Variants in TLCD4 observed in about 807,000 individuals in gnomAD.
TLCD4 encodes the protein TLC domain-containing protein 4.
Under a neutral mutation model 24.2 loss-of-function variants are expected in TLCD4, and 7 were observed. The ratio of observed to expected loss-of-function variants is 0.29; its 90% confidence interval spans 0.16 to 0.54. TLCD4 has a LOEUF of 0.54. Ranked by LOEUF, TLCD4 falls within the 20% of genes least tolerant of loss-of-function variation. TLCD4 has a pLI of 0.95. For missense variants in TLCD4, 259 were observed against 313.9 expected, an observed-to-expected ratio of 0.82 and a Z score of 1.32; for synonymous variants, 103 against 106.4, an observed-to-expected ratio of 0.97 and a Z score of 0.20.
In TLCD4 at chr1:95,162,568, C is replaced by T. The variant is rs139840057; in HGVS notation, c.399+11149C>T. ...TATGATGTTAGCTGGTTATTTTGCC[C>T]GCTAATCAGTACAGTTTCTTCATAG... On this transcript the variant is annotated intron_variant, in intron 5 of 6. Coordinates refer to ENST00000370203, the MANE Select transcript of TLCD4 (RefSeq NM_152487.3). 5.1e-3 allele frequency among the ~76,000 whole-genome samples: 775 copies of T among 152,208 alleles called. 12 individuals carry two copies. Among genetic ancestry groups the T allele is most frequent in the African/African-American group, 0.017 (726 of 41,536 alleles).
intron 5 of TLCD4, among the ~76,000 whole-genome samples, chr1:95,152,946 T>C (rs909548051): frequency 1.3e-5 from 2 of 152,172 alleles, no homozygotes; most frequent in Non-Finnish European, 2.9e-5. Flanking sequence ...TCCTTGTGAA[T>C]CACTTCTTTC....
chr1:95,160,618 A>T (rs1276245406), intron 5 of TLCD4, among the ~76,000 whole-genome samples: 1 of 152,192 alleles, frequency 6.6e-6, no homozygotes, highest in African/African-American at 2.4e-5. Context: ...GTTTTTGCCC[A>T]TTCGGTATGA....
chr1:95,126,926 TGGG>T (rs1261087713), intron 1 of TLCD4, among the ~76,000 whole-genome samples: 1 of 152,214 alleles, frequency 6.6e-6, no homozygotes, highest in Non-Finnish European at 1.5e-5. Flanking sequence ...ACCTCGGGAT[TGGG>T]GGCCTGGCGT....
At chr1:95,129,117 C>G (rs1676819493) in intron 1 of TLCD4, among the ~76,000 whole-genome samples, 1 of 152,092 alleles carries the variant, frequency 6.6e-6, no homozygotes, top group Non-Finnish European at 1.5e-5. Flanking sequence ...AAATAAAGGT[C>G]TATTAGAAAT....
chr1:95,180,975 T>G (rs1207574745), intron 6 of TLCD4, among the ~76,000 whole-genome samples: 1 of 152,218 alleles, frequency 6.6e-6, no homozygotes, highest in African/African-American at 2.4e-5. Flanking sequence ...CACATGCCTG[T>G]AGTCCCAACT....
chr1:95,159,680 G>A (rs1011494329), intron 5 of TLCD4, among the ~76,000 whole-genome samples: 1 of 152,144 alleles, frequency 6.6e-6, no homozygotes, highest in Non-Finnish European at 1.5e-5. Context: ...ATTAATTTTT[G>A]TTTAAGGTGT....
intron 5 of TLCD4, chr1:95,163,245 CA>C (rs1677889501): frequency 6.6e-6 from 1 of 152,092 alleles, no homozygotes; most frequent in South Asian, 2.1e-4. Flanking sequence ...TCATTTCATT[CA>C]TTTGATCTAC....
At chr1:95,165,527 G>A (rs1001832657) in intron 5 of TLCD4, among the ~76,000 whole-genome samples, 12 of 149,908 alleles carry the variant, frequency 8.0e-5, no homozygotes, top group African/African-American at 2.2e-4. Flanking sequence ...GTGCAATGGC[G>A]TGATCTTGGC....
chr1:95,124,962 GTCTTGATAGCATCT>G (rs1297039131), intron 1 of TLCD4, among the ~76,000 whole-genome samples: 2 of 152,166 alleles, frequency 1.3e-5, no homozygotes, highest in African/African-American at 4.8e-5. Context: ...ATTCTAAGAA[GTCTTGATAGCATCT>G]TCAAGATTAA....
At chr1:95,141,661 C>T (rs1438086603) in intron 1 of TLCD4, among the ~76,000 whole-genome samples, 1 of 151,938 alleles carries the variant, frequency 6.6e-6, no homozygotes, top group Non-Finnish European at 1.5e-5. Flanking sequence ...TAATATTAAA[C>T]CTAGGCTAAA....
chr1:95,191,984 TG>T lies in TLCD4; in HGVS notation c.*117del. The T allele has an allele frequency of 6.9e-7, 1 of 1,454,842 alleles. No homozygotes were observed. Among genetic ancestry groups the T allele is most frequent in the East Asian group, 2.5e-5 (1 of 40,440 alleles). 90.1% of individuals were successfully genotyped at this position (1,454,842 alleles called of 1,614,324 possible). A position where few individuals can be genotyped will look rare whatever the true frequency, so the allele number is the denominator to read the frequency against. ...TTATAATTGTTATTCAGGATTTCAG[TG>T]TCATTTTTTTTAAACCTTAGAAAAG... On this transcript the variant is annotated 3_prime_UTR_variant, in exon 7 of 7. Coordinates refer to ENST00000370203, the MANE Select transcript of TLCD4 (RefSeq NM_152487.3).
chr1:95,165,778 G>A (rs912173453), intron 5 of TLCD4, among the ~76,000 whole-genome samples: 1 of 152,124 alleles, frequency 6.6e-6, no homozygotes, highest in African/African-American at 2.4e-5. Flanking sequence ...GTATATGTAT[G>A]TTTTAAGGAT....
At chr1:95,122,716 C>T (rs1199899089) in intron 1 of TLCD4, among the ~76,000 whole-genome samples, 1 of 152,170 alleles carries the variant, frequency 6.6e-6, no homozygotes, top group Non-Finnish European at 1.5e-5. Flanking sequence ...CCATGGCAAA[C>T]TCTAGGAAAA....
intron 1 of TLCD4, chr1:95,121,241 A>C (rs776453199): frequency 1.3e-5 from 2 of 152,264 alleles, no homozygotes; most frequent in Non-Finnish European, 2.9e-5. Context: ...ATGAGGAGAC[A>C]AAAGGACCCA....
intron 1 of TLCD4, chr1:95,118,197 AG>A (rs1676482363): frequency 6.6e-6 from 1 of 152,182 alleles, no homozygotes; most frequent in South Asian, 2.1e-4. Context: ...TGAAAAGTCT[AG>A]TGGGAAGGGA....
chr1:95,131,557 G>A (rs970960198), intron 1 of TLCD4, among the ~76,000 whole-genome samples: 9 of 152,326 alleles, frequency 5.9e-5, no homozygotes, highest in African/African-American at 2.2e-4. Context: ...AGATTCTCCT[G>A]GAGCCCTCCA....
At chr1:95,174,507 C>CAAAAAAA (rs141819142) in intron 6 of TLCD4, among the ~76,000 whole-genome samples, 40 of 85,704 alleles carry the variant, frequency 4.7e-4, no homozygotes, top group East Asian at 7.1e-4. Flanking sequence ...CCCATCCCTA[C>CAAAAAAA]AAAAAAAAAA....
At chr1:95,118,268 C>A (rs913891926) in intron 1 of TLCD4, among the ~76,000 whole-genome samples, 1 of 152,172 alleles carries the variant, frequency 6.6e-6, no homozygotes, top group Admixed American at 6.5e-5. Context: ...TCTGTAACCC[C>A]TAAGTGCCTC....
chr1:95,139,447 A>G, intron 1 of TLCD4, among the ~76,000 whole-genome samples: 1 of 134,544 alleles, frequency 7.4e-6, no homozygotes. Flanking sequence ...TTTTTATTTA[A>G]ACCTTTGATT....
Sources: allele counts gnomAD v4.1 joint callset (sites outside exome capture counted in the v4.1 genomes callset), GRCh38; gene constraint gnomAD v4.1.1; transcripts MANE v1.5; gene names NCBI Gene and HGNC (gene_info 2026-07-23, HGNC 2026-07-21).